The following SMTNL2 variants were observed in gnomAD, a reference collection of about 807,000 sequenced individuals.
SMTNL2 encodes the protein smoothelin-like protein 2.
SMTNL2 carries 43 observed loss-of-function variants against 44.1 expected under a neutral mutation model. That is an observed-to-expected ratio of 0.98 (90% CI 0.76 to 1.26). The LOEUF is 1.26. Among genes scored for constraint, SMTNL2 ranks in the 50% most tolerant of loss-of-function variants. SMTNL2 has a pLI of 0.00. For synonymous variants in SMTNL2, 317 were observed against 287.6 expected, an observed-to-expected ratio of 1.10 and a Z score of -1.03; for missense variants, 646 against 670.2, an observed-to-expected ratio of 0.96 and a Z score of 0.40.
chr17:4,584,804 A>C lies in SMTNL2; in HGVS notation c.199A>C (p.Asn67His). ...CACGGTGGCCGACCTGCAGCGGGAC[A>C]ACCAGCGGCTGCAGGCGCAGCTCGA... ...ARTVADLQRD[N>H]QRLQAQLERL... The change falls in exon 1 of 8, where the codon AAC becomes CAC. Residue 67 changes from asparagine (N) to histidine (H), a missense_variant. Asn to His is a moderately conservative substitution (Grantham distance 68). Coordinates refer to ENST00000389313, the MANE Select transcript of SMTNL2 (RefSeq NM_001114974.2). 7.5e-7 allele frequency: 1 copy of C among 1,325,076 alleles called. No individual in the cohort carries two copies. 82.1% of individuals were successfully genotyped at this position (1,325,076 alleles called of 1,614,324 possible). A position where few individuals can be genotyped will look rare whatever the true frequency, so the allele number is the denominator to read the frequency against.
At position 4,584,804 on chromosome 17, in the gene SMTNL2, A is replaced by G. The variant is rs941661856; in HGVS notation, c.199A>G (p.Asn67Asp). The G allele has an allele frequency of 4.9e-5, 65 of 1,325,076 alleles. No homozygotes were observed. The highest frequency in any genetic ancestry group is 6.3e-5 in the Non-Finnish European group (65 of 1,039,842). The allele number at this position is 1,325,076 out of a possible 1,614,324, so 82.1% of individuals were successfully genotyped here. The change falls in exon 1 of 8, where the codon AAC (asparagine) becomes GAC (aspartate). Residue 67 changes from asparagine to aspartate, a missense_variant. Asn to Asp is a conservative substitution (Grantham distance 23). Transcript: ENST00000389313. ...ARTVADLQRD[N>D]QRLQAQLERL... ...CACGGTGGCCGACCTGCAGCGGGAC[A>G]ACCAGCGGCTGCAGGCGCAGCTCGA...
At chr17:4,601,993 A>G (rs1206623461) in intron 7 of SMTNL2, among the ~76,000 whole-genome samples, 1 of 152,060 alleles carries the variant, frequency 6.6e-6, no homozygotes, top group Non-Finnish European at 1.5e-5. Context: ...TGTCCAGCCT[A>G]TGTCTGCAGC....
Position 4,592,368 on chromosome 17 carries a change from A to G in SMTNL2, c.407A>G (p.Asp136Gly), listed in dbSNP as rs187632995. Residue 136 changes from aspartate to glycine, a missense_variant, in exon 2 of 8, where the codon GAT (aspartate) becomes GGT (glycine). Physicochemically the swap from Asp to Gly is moderately conservative, Grantham distance 94. Coordinates refer to ENST00000389313, the MANE Select transcript of SMTNL2 (RefSeq NM_001114974.2). The surrounding 1 kb of genome is among the most constrained non-coding windows in gnomAD (Gnocchi z 4.5). ...FSLSGRGQSL[D>G]HDEASESEMR... Reference sequence around the variant, plus strand: ...ACATTTGTGTCTCTGTAGAGTTTGGATCACGATGAGGCCAGTGAGTCGGAG... The same window carrying G: ...ACATTTGTGTCTCTGTAGAGTTTGGGTCACGATGAGGCCAGTGAGTCGGAG... The G allele has an allele frequency of 1.9e-3, 2,991 of 1,613,416 alleles. 9 individuals carry two copies. The highest frequency in any genetic ancestry group is 2.1e-3 in the Non-Finnish European group (2,461 of 1,179,938).
At chr17:4,584,448 C>T (rs1909252940), upstream of SMTNL2, 1 of 768,504 alleles carries the variant, frequency 1.3e-6, no homozygotes, top group Non-Finnish European at 1.7e-6. Flanking sequence ...GTCCCGGAGT[C>T]GTCCCCGGCT....
chr17:4,595,549 G>C lies in SMTNL2; in HGVS notation c.989+222G>C, dbSNP rs1909774516. On this transcript the variant is annotated intron_variant, in intron 5 of 7. Coordinates refer to ENST00000389313, the MANE Select transcript of SMTNL2 (RefSeq NM_001114974.2). This position sits in a 1 kb window ranked among gnomAD's most constrained non-coding sequence, Gnocchi z 5.1. ...TGTTGGGGGAGATGGCTGTGAGGCA[G>C]GGAGCCAGGAAGGCTTGGTGAGAGC... is the stretch of plus-strand genomic sequence containing the variant. Among the ~76,000 whole-genome samples the C allele has an allele frequency of 1.3e-5, 2 of 152,248 alleles. No individual in the cohort carries two copies. Among genetic ancestry groups the C allele is most frequent in the Non-Finnish European group, 2.9e-5 (2 of 68,036 alleles).
chr17:4,588,372 G>C (rs1909427957), intron 1 of SMTNL2, among the ~76,000 whole-genome samples: 2 of 152,168 alleles, frequency 1.3e-5, no homozygotes, highest in Admixed American at 1.3e-4. Flanking sequence ...TCAGGCCTGG[G>C]CTCCCTCATG....
intron 7 of SMTNL2, among the ~76,000 whole-genome samples, chr17:4,606,365 G>A (rs184330600): frequency 0.028 from 4,163 of 150,274 alleles, 178 homozygotes; most frequent in African/African-American, 0.096. Flanking sequence ...CAGGTGACCC[G>A]CCTGCCTCGG....
chr17:4,591,146 G>A (rs562092901), intron 1 of SMTNL2, among the ~76,000 whole-genome samples: 7 of 152,112 alleles, frequency 4.6e-5, no homozygotes, highest in African/African-American at 1.2e-4. Flanking sequence ...ATCCTGACAC[G>A]GCCCCCTCTG....
rs1172369733 is a variant in SMTNL2, at chr17:4,600,693, G to A, written c.1259+3370G>A. ...GTGTTCAGGGTCTGGAACGAGGGAGGACCGGCCCCTTTTATGGAAGGGGCT... is the reference window on the plus strand; with the variant it reads ...GTGTTCAGGGTCTGGAACGAGGGAGAACCGGCCCCTTTTATGGAAGGGGCT... On this transcript the variant is annotated intron_variant, in intron 7 of 7. Transcript: ENST00000389313. This position sits in a 1 kb window ranked among gnomAD's most constrained non-coding sequence, Gnocchi z 4.7. 6.6e-6 allele frequency among the ~76,000 whole-genome samples: 1 copy of A among 152,158 alleles called. No homozygotes were observed. The highest frequency in any genetic ancestry group is 2.4e-5 in the African/African-American group (1 of 41,438).
In SMTNL2 at chr17:4,592,480, G is replaced by A; in HGVS notation, c.487+32G>A. 6.3e-7 allele frequency: 1 copy of A among 1,597,362 alleles called. No individual in the cohort carries two copies. ...CTGACGGCAGAGGAGGGGTGGCTGG[G>A]TAGGTTTGGGGGTTAAGTAAGGCCT... On this transcript the variant is annotated intron_variant, in intron 2 of 7. Transcript: ENST00000389313. This position sits in a 1 kb window ranked among gnomAD's most constrained non-coding sequence, Gnocchi z 4.5.
In SMTNL2 at chr17:4,586,941, A is replaced by AGAGCAGGAACTCCAGGTGAC. The variant is rs1567631061; in HGVS notation, c.399+1938_399+1939insAGCAGGAACTCCAGGTGACG. 4.8e-4 allele frequency among the ~76,000 whole-genome samples: 73 copies of AGAGCAGGAACTCCAGGTGAC among 152,034 alleles called. No homozygotes were observed. The East Asian group carries it at 0.014, about 29-fold the overall frequency. On this transcript the variant is annotated intron_variant, in intron 1 of 7. Coordinates refer to ENST00000389313, the MANE Select transcript of SMTNL2 (RefSeq NM_001114974.2). ...AGGGGACTATGGGAACTCCAGGTGAAGCTGTCCCAGAGCAGGTGGATTCAT... is the reference window on the plus strand; with the variant it reads ...AGGGGACTATGGGAACTCCAGGTGAAGAGCAGGAACTCCAGGTGACGCTGTCCCAGAGCAGGTGGATTCAT...
In SMTNL2 at chr17:4,607,390, A is replaced by C; in HGVS notation, c.1289A>C (p.Glu430Ala). The C allele has an allele frequency of 6.2e-7, 1 of 1,614,146 alleles. No homozygotes were observed. Among genetic ancestry groups the C allele is most frequent in the Non-Finnish European group, 8.5e-7 (1 of 1,180,010 alleles). ...ENLANCERLI[E>A]VEDMMVMGRK... is the part of the protein sequence containing the mutation. Reference sequence around the variant, plus strand: ...CTGGCCAACTGTGAGCGCCTCATCGAAGTGGAGGACATGATGGTGATGGGC... The same window carrying C: ...CTGGCCAACTGTGAGCGCCTCATCGCAGTGGAGGACATGATGGTGATGGGC... The change falls in exon 8 of 8, where the codon GAA (glutamate) becomes GCA (alanine). Residue 430 changes from glutamate to alanine, a missense_variant. Coordinates refer to ENST00000389313, the MANE Select transcript of SMTNL2 (RefSeq NM_001114974.2). The surrounding 1 kb of genome is among the most constrained non-coding windows in gnomAD (Gnocchi z 4.7).
At chr17:4,585,313 G>A (rs1439077964) in intron 1 of SMTNL2, among the ~76,000 whole-genome samples, 1 of 152,202 alleles carries the variant, frequency 6.6e-6, no homozygotes, top group Non-Finnish European at 1.5e-5. Context: ...GCCGAAGTCC[G>A]GCCCCTGACT....
rs572203540 is a variant in SMTNL2, at chr17:4,607,219, C to A, written c.1260-142C>A. 4.5e-6 allele frequency: 6 copies of A among 1,330,506 alleles called. No individual in the cohort carries two copies. Among genetic ancestry groups the A allele is most frequent in the South Asian group, 2.8e-5 (2 of 72,392 alleles). 82.4% of individuals were successfully genotyped at this position (1,330,506 alleles called of 1,614,324 possible). ...ACTCCAAGGGTTCTGCCAGGGTTATCTGAATTCCCCGCTGGTGGGTCCTTG... is the reference window on the plus strand; with the variant it reads ...ACTCCAAGGGTTCTGCCAGGGTTATATGAATTCCCCGCTGGTGGGTCCTTG... On this transcript the variant is annotated intron_variant, in intron 7 of 7. Coordinates refer to ENST00000389313, the MANE Select transcript of SMTNL2 (RefSeq NM_001114974.2). The surrounding 1 kb of genome is among the most constrained non-coding windows in gnomAD (Gnocchi z 4.7).
At position 4,600,686 on chromosome 17, in the gene SMTNL2, G is replaced by A. The variant is rs560505831; in HGVS notation, c.1259+3363G>A. 1.1e-4 allele frequency among the ~76,000 whole-genome samples: 17 copies of A among 152,294 alleles called. No individual in the cohort carries two copies. The highest frequency in any genetic ancestry group is 3.6e-4 in the African/African-American group (15 of 41,568). ...CTGACAGGTGTTCAGGGTCTGGAAC[G>A]AGGGAGGACCGGCCCCTTTTATGGA... On this transcript the variant is annotated intron_variant, in intron 7 of 7. Coordinates refer to ENST00000389313, the MANE Select transcript of SMTNL2 (RefSeq NM_001114974.2). The surrounding 1 kb of genome is among the most constrained non-coding windows in gnomAD (Gnocchi z 4.7).
chr17:4,602,001 A>G (rs1427417064), intron 7 of SMTNL2, among the ~76,000 whole-genome samples: 1 of 152,104 alleles, frequency 6.6e-6, no homozygotes, highest in Non-Finnish European at 1.5e-5. Flanking sequence ...CTATGTCTGC[A>G]GCTTCCAGGA....
intron 4 of SMTNL2, among the ~76,000 whole-genome samples, chr17:4,594,389 CA>C (rs1223301433): frequency 6.6e-6 from 1 of 152,070 alleles, no homozygotes; most frequent in African/African-American, 2.4e-5. Context: ...GCGGAGTTTG[CA>C]GTGAGCCAAG....
rs562434789 is a variant in SMTNL2 at position 4,595,528 on chromosome 17, G to C, written c.989+201G>C. On this transcript the variant is annotated intron_variant, in intron 5 of 7. Coordinates refer to ENST00000389313, the MANE Select transcript of SMTNL2 (RefSeq NM_001114974.2). This position sits in a 1 kb window ranked among gnomAD's most constrained non-coding sequence, Gnocchi z 5.1. ...GGGGGGACAGAGGACCCCAGTTGTT[G>C]GGGGAGATGGCTGTGAGGCAGGGAG... Among the ~76,000 whole-genome samples the C allele has an allele frequency of 2.1e-3, 324 of 152,338 alleles. 1 individual carries two copies. Among genetic ancestry groups the C allele is most frequent in the African/African-American group, 7.6e-3 (314 of 41,578 alleles).
chr17:4,592,969 A>G lies in SMTNL2; in HGVS notation c.528A>G (p.Ser176=). The part of the protein sequence containing the change: ...DGPPEIAQNF[S]APDPPRPRPV... ...CCCCTGAGATTGCCCAAAACTTCTCAGCACCAGATCCCCCCAGGCCTCGTC... is the reference window on the plus strand; with the variant it reads ...CCCCTGAGATTGCCCAAAACTTCTCGGCACCAGATCCCCCCAGGCCTCGTC... Residue 176 remains serine (S), a synonymous_variant, in exon 3 of 8, where the codon TCA becomes TCG. Transcript: ENST00000389313. This position sits in a 1 kb window ranked among gnomAD's most constrained non-coding sequence, Gnocchi z 4.5. 21 of 1,614,006 alleles carry G rather than the reference A, an allele frequency of 1.3e-5. No individual in the cohort carries two copies. Among genetic ancestry groups the G allele is most frequent in the Non-Finnish European group, 1.8e-5 (21 of 1,179,930 alleles).
Sources: gnomAD v4.1 joint callset for allele counts (sites outside exome capture counted in the v4.1 genomes callset) on GRCh38, gnomAD v4.1.1 for gene constraint, Gnocchi (gnomAD v3.1) non-coding constraint, MANE v1.5 for transcripts, NCBI Gene and HGNC (gene_info 2026-07-23, HGNC 2026-07-21) for gene names.